The following EPDR1 variants were observed in gnomAD, a reference collection of about 807,000 sequenced individuals.
The protein encoded by EPDR1 is ependymin related 1, also known as mammalian ependymin-related protein 1.
EPDR1 carries 27 observed loss-of-function variants against 23.7 expected under a neutral mutation model. That is an observed-to-expected ratio of 1.14 (90% CI 0.84 to 1.57). The LOEUF (loss-of-function observed/expected upper bound fraction) is 1.57. EPDR1 is among the 40% of genes most tolerant of loss of function. The probability of loss-of-function intolerance (pLI) is 0.00; values close to 1 mark genes in which losing one functional copy is unlikely to be tolerated. For missense variants in EPDR1, 349 were observed against 290.4 expected (o/e 1.20, Z -1.47); for synonymous variants, 137 against 118.2 (o/e 1.16, Z -1.03).
intron 1 of EPDR1, among the ~76,000 whole-genome samples, chr7:37,930,420 G>A (rs1353561041): frequency 6.6e-6 from 1 of 152,216 alleles, no homozygotes. Flanking sequence ...GGCACTCTTG[G>A]GAGTGAAGGA....
chr7:37,951,233 C>G lies in EPDR1; in HGVS notation c.*837C>G, dbSNP rs971779311. 2 of 152,130 alleles carry G rather than the reference C, an allele frequency of 1.3e-5. No individual in the cohort carries two copies. The highest frequency in any genetic ancestry group is 4.8e-5 in the African/African-American group (2 of 41,432). 9.4% of individuals were successfully genotyped at this position (152,130 alleles called of 1,614,324 possible). On this transcript the variant is annotated 3_prime_UTR_variant, in exon 3 of 3. Transcript: ENST00000199448. ...GTCAGGAGACTATTGTCTCCTAAAC[C>G]CAGGACTAGAGTTCCCTCGTACTGT... is the stretch of plus-strand genomic sequence containing the variant.
At chr7:37,944,119 C>T (rs1786223942) in intron 1 of EPDR1, among the ~76,000 whole-genome samples, 1 of 152,168 alleles carries the variant, frequency 6.6e-6, no homozygotes, top group Non-Finnish European at 1.5e-5. Context: ...TTTATTAGAA[C>T]AAAGGAAGCT....
intron 1 of EPDR1, among the ~76,000 whole-genome samples, chr7:37,946,158 G>A (rs113374532): frequency 5.8e-4 from 88 of 152,178 alleles, no homozygotes; most frequent in Middle Eastern, 3.4e-3. Context: ...TTGATTCCAC[G>A]TCTTTGCTAT....
At chr7:37,948,147 T>C (rs187336903) in intron 1 of EPDR1, among the ~76,000 whole-genome samples, 3 of 152,190 alleles carry the variant, frequency 2.0e-5, no homozygotes, top group Non-Finnish European at 4.4e-5. Flanking sequence ...CATAATTCCT[T>C]GACTGAGTGC....
intron 1 of EPDR1, among the ~76,000 whole-genome samples, chr7:37,940,648 C>T (rs2598099): frequency 0.34 from 51,504 of 151,846 alleles, 8,899 homozygotes; most frequent in South Asian, 0.46. Context: ...ATTTCAAAAT[C>T]ATAGAATAAA....
Position 37,949,012 on chromosome 7 carries a change from G to A in EPDR1, c.442G>A (p.Val148Ile), listed in dbSNP as rs369217258. 44 of 1,614,016 alleles carry A rather than the reference G, an allele frequency of 2.7e-5. No homozygotes were observed. Among genetic ancestry groups the A allele is most frequent in the African/African-American group, 1.3e-4 (10 of 74,906 alleles). The change falls in exon 2 of 3, where the codon GTC (valine) becomes ATC (isoleucine). Residue 148 changes from valine to isoleucine, a missense_variant. By Grantham distance (29) the Val-to-Ile change is conservative. Coordinates refer to ENST00000199448, the MANE Select transcript of EPDR1 (RefSeq NM_017549.5). ...SIGGPQEQIT[V>I]QEWSDRKSAR... ...CGGGGGGCCTCAGGAGCAGATCACC[G>A]TCCAGGAGTGGTCGGACAGAAAGTC...
intron 1 of EPDR1, among the ~76,000 whole-genome samples, chr7:37,935,658 A>G (rs185640330): frequency 6.6e-6 from 1 of 152,218 alleles, no homozygotes; most frequent in East Asian, 1.9e-4. Flanking sequence ...ATGCCAAATT[A>G]AGAAAACTAG....
At chr7:37,939,411 G>A (rs1355013176) in intron 1 of EPDR1, among the ~76,000 whole-genome samples, 1 of 152,106 alleles carries the variant, frequency 6.6e-6, no homozygotes, top group Non-Finnish European at 1.5e-5. Context: ...CTTCTTTCAA[G>A]CAATGTCACA....
intron 1 of EPDR1, among the ~76,000 whole-genome samples, chr7:37,944,383 T>C (rs190745183): frequency 1.2e-4 from 19 of 152,334 alleles, no homozygotes; most frequent in Non-Finnish European, 2.1e-4. Flanking sequence ...CATTGTCTCC[T>C]CTCTGGTCTA....
intron 1 of EPDR1, among the ~76,000 whole-genome samples, chr7:37,945,601 T>C (rs1786258631): frequency 6.6e-6 from 1 of 152,214 alleles, no homozygotes. Flanking sequence ...ATAGCCATAG[T>C]ATGTGGTAGC....
At chr7:37,946,491 G>T (rs965033342) in intron 1 of EPDR1, among the ~76,000 whole-genome samples, 1 of 152,034 alleles carries the variant, frequency 6.6e-6, no homozygotes, top group Admixed American at 6.6e-5. Flanking sequence ...AGTGATGTTG[G>T]GCTTTTTTTC....
chr7:37,938,019 C>CTTTTT (rs1786092068), intron 1 of EPDR1, among the ~76,000 whole-genome samples: 1 of 60,936 alleles, frequency 1.6e-5, no homozygotes. Flanking sequence ...GAGATGGAGC[C>CTTTTT]TTTCTCTGCC....
At chr7:37,942,713 G>A (rs1183674937) in intron 1 of EPDR1, among the ~76,000 whole-genome samples, 3 of 151,940 alleles carry the variant, frequency 2.0e-5, no homozygotes, top group Non-Finnish European at 2.9e-5. Context: ...GAGTTTCTTG[G>A]CAATTTTTGC....
chr7:37,945,351 G>T (rs1313688730), intron 1 of EPDR1, among the ~76,000 whole-genome samples: 1 of 152,098 alleles, frequency 6.6e-6, no homozygotes, highest in African/African-American at 2.4e-5. Flanking sequence ...ATTTCTAAAG[G>T]TATGTGTCTG....
chr7:37,934,096 C>G (rs575315828), intron 1 of EPDR1, among the ~76,000 whole-genome samples: 1 of 152,122 alleles, frequency 6.6e-6, no homozygotes, highest in South Asian at 2.1e-4. Context: ...CCTGCCTCAG[C>G]CTCCCCAGCA....
At chr7:37,935,456 C>T (rs1786029213) in intron 1 of EPDR1, among the ~76,000 whole-genome samples, 1 of 152,178 alleles carries the variant, frequency 6.6e-6, no homozygotes, top group Non-Finnish European at 1.5e-5. Context: ...TGATACCTTA[C>T]ATTTATATAA....
chr7:37,934,454 T>C (rs940032119), intron 1 of EPDR1, among the ~76,000 whole-genome samples: 1 of 151,976 alleles, frequency 6.6e-6, no homozygotes, highest in African/African-American at 2.4e-5. Context: ...TTTTTTTTTT[T>C]CTTTTTCCTT....
At chr7:37,949,638 G>A (rs190240258) in intron 2 of EPDR1, among the ~76,000 whole-genome samples, 2 of 152,140 alleles carry the variant, frequency 1.3e-5, no homozygotes, top group East Asian at 1.9e-4. Context: ...AGAATTGAAC[G>A]CAGAGACTCA....
rs1786368762 is a variant in EPDR1, at chr7:37,950,232, G to T, written c.511G>T (p.Asp171Tyr). 6.2e-7 allele frequency: 1 copy of T among 1,613,586 alleles called. No individual in the cohort carries two copies. The highest frequency in any genetic ancestry group is 8.5e-7 in the Non-Finnish European group (1 of 1,179,692). ...CTGGATTGGCATCTATACAGTCAAGGATTGCTATCCTGTCCAGGAAACCTT... is the reference window on the plus strand; with the variant it reads ...CTGGATTGGCATCTATACAGTCAAGTATTGCTATCCTGTCCAGGAAACCTT... ...ETWIGIYTVK[D>Y]CYPVQETFTI... Residue 171 changes from aspartate (D) to tyrosine (Y), a missense_variant, in exon 3 of 3, where the codon GAT (aspartate) becomes TAT (tyrosine). Asp to Tyr is a radical substitution (Grantham distance 160). Coordinates refer to ENST00000199448, the MANE Select transcript of EPDR1 (RefSeq NM_017549.5).
Sources: gnomAD v4.1 joint callset for allele counts (sites outside exome capture counted in the v4.1 genomes callset) on GRCh38, gnomAD v4.1.1 for gene constraint, MANE v1.5 for transcripts, NCBI Gene and HGNC (gene_info 2026-07-23, HGNC 2026-07-21) for gene names.